DIP2C: variants seen among roughly 807,000 people sequenced by gnomAD.
The protein encoded by DIP2C is disco-interacting protein 2 homolog C.
A neutral mutation model predicts 192.4 loss-of-function variants in DIP2C; 33 were observed. The ratio of observed to expected loss-of-function variants is 0.17; its 90% confidence interval spans 0.13 to 0.23. DIP2C has a LOEUF of 0.23. DIP2C is among the 10% of genes least tolerant of loss of function. DIP2C has a pLI of 1.00. For missense variants in DIP2C, 1,537 were observed against 2,110.1 expected, an observed-to-expected ratio of 0.73 and a Z score of 5.32; for synonymous variants, 979 against 864.1, an observed-to-expected ratio of 1.13 and a Z score of -2.33.
At chr10:380,627 CTT>C (rs759540088) in intron 17 of DIP2C, among the ~76,000 whole-genome samples, 17 of 152,350 alleles carry the variant, frequency 1.1e-4, no homozygotes, top group Non-Finnish European at 2.1e-4. Context: ...CAGCCGAACA[CTT>C]GTCTTTCTTC....
At chr10:500,264 C>T (rs1845130912) in intron 1 of DIP2C, among the ~76,000 whole-genome samples, 1 of 152,252 alleles carries the variant, frequency 6.6e-6, no homozygotes, top group South Asian at 2.1e-4. Context: ...AGGAGCAGGG[C>T]CCATGGCTAC....
intron 2 of DIP2C, among the ~76,000 whole-genome samples, chr10:484,273 C>T (rs1043154481): frequency 1.3e-5 from 2 of 152,202 alleles, no homozygotes; most frequent in Non-Finnish European, 2.9e-5. Context: ...TAATTCTTAC[C>T]TTTGAACAGA....
chr10:592,248 A>C (rs950316741), intron 1 of DIP2C, among the ~76,000 whole-genome samples: 3 of 152,238 alleles, frequency 2.0e-5, no homozygotes, highest in Admixed American at 6.5e-5. Flanking sequence ...TCAACTGAAG[A>C]AAATGGTTCT....
At chr10:305,463 C>T (rs1045496019) in intron 32 of DIP2C, among the ~76,000 whole-genome samples, 1 of 152,126 alleles carries the variant, frequency 6.6e-6, no homozygotes, top group Non-Finnish European at 1.5e-5. Flanking sequence ...TTCTGTGGCC[C>T]CTGCTCTCAG....
chr10:570,407 C>T (rs373119359), intron 1 of DIP2C, among the ~76,000 whole-genome samples: 112 of 152,310 alleles, frequency 7.4e-4, no homozygotes, highest in African/African-American at 2.6e-3. Context: ...TAGGTCCTGA[C>T]GTCCACTCCT....
At chr10:503,530 A>C (rs1044057963) in intron 1 of DIP2C, among the ~76,000 whole-genome samples, 1 of 152,230 alleles carries the variant, frequency 6.6e-6, no homozygotes, top group African/African-American at 2.4e-5. Flanking sequence ...CTGGCGGAAA[A>C]CCATGGAAGT....
chr10:344,719 G>C (rs1330796445), intron 28 of DIP2C, 90 bp downstream of exon 28: 1 of 1,061,206 alleles, frequency 9.4e-7, no homozygotes, highest in Non-Finnish European at 1.4e-6. Flanking sequence ...CTGACTACAC[G>C]AGAGGCGCTG....
At chr10:479,604 A>C (rs1216655696) in intron 2 of DIP2C, among the ~76,000 whole-genome samples, 2 of 152,048 alleles carry the variant, frequency 1.3e-5, no homozygotes, top group Non-Finnish European at 2.9e-5. Context: ...AAAGTGCTGG[A>C]ATTATAGGCA....
At chr10:395,937 G>A (rs7085663) in intron 10 of DIP2C, among the ~76,000 whole-genome samples, 1,701 of 152,246 alleles carry the variant, frequency 0.011, 38 homozygotes, top group African/African-American at 0.039. Flanking sequence ...CCTGCCCTCG[G>A]ACCACAGAGA....
intron 9 of DIP2C, among the ~76,000 whole-genome samples, chr10:401,222 A>C (rs559452094): frequency 5.3e-5 from 8 of 151,602 alleles, no homozygotes; most frequent in African/African-American, 1.9e-4. Flanking sequence ...CCTTATGGAC[A>C]AGTTTGGTAC....
At chr10:367,365 C>G (rs1239725138) in intron 18 of DIP2C, among the ~76,000 whole-genome samples, 4 of 150,952 alleles carry the variant, frequency 2.6e-5, no homozygotes, top group African/African-American at 7.3e-5. Flanking sequence ...TGCGGTGAAC[C>G]GAGATCGCGC....
intron 1 of DIP2C, chr10:662,084 T>C (rs1167706249): frequency 2.8e-6 from 2 of 717,438 alleles, no homozygotes; most frequent in Admixed American, 4.0e-5. Context: ...CACGATTCTC[T>C]CCGAAGCCCT....
intron 3 of DIP2C, among the ~76,000 whole-genome samples, chr10:469,315 ATTTT>A (rs11348709): frequency 4.9e-5 from 5 of 102,294 alleles, no homozygotes; most frequent in Admixed American, 1.1e-4. Context: ...ACTGGTACTG[ATTTT>A]TTTTTTTTTT....
At chr10:335,513 G>A (rs569934816) in intron 29 of DIP2C, among the ~76,000 whole-genome samples, 1 of 152,166 alleles carries the variant, frequency 6.6e-6, no homozygotes, top group Non-Finnish European at 1.5e-5. Context: ...TCAGCTTCCC[G>A]CTGCCCAGAG....
intron 29 of DIP2C, among the ~76,000 whole-genome samples, chr10:333,284 C>CT (rs1264396321): frequency 6.6e-6 from 1 of 152,200 alleles, no homozygotes; most frequent in African/African-American, 2.4e-5. Context: ...CACAGAATGG[C>CT]TTTTAATAAA....
chr10:525,241 G>T (rs940352781), intron 1 of DIP2C, among the ~76,000 whole-genome samples: 1 of 151,772 alleles, frequency 6.6e-6, no homozygotes, highest in Non-Finnish European at 1.5e-5. Context: ...AGCTCCTAAC[G>T]CCTCAAACCG....
At chr10:391,201 T>C (rs1963429853) in intron 10 of DIP2C, among the ~76,000 whole-genome samples, 1 of 152,192 alleles carries the variant, frequency 6.6e-6, no homozygotes. Flanking sequence ...AAGACTATGA[T>C]TATACAATGC....
rs556514778 is a variant in DIP2C, at chr10:650,925, A to G, written c.85+38569T>C. Reference sequence around the variant, plus strand: ...GGGGAAGCTGAGGGTGTGTCCATGCAGGACCCCGAGGCTACACAGCTCTGG... The same window carrying G: ...GGGGAAGCTGAGGGTGTGTCCATGCGGGACCCCGAGGCTACACAGCTCTGG... On this transcript the variant is annotated intron_variant, in intron 1 of 36. Transcript: ENST00000280886. 7 of 716,480 alleles carry G rather than the reference A, an allele frequency of 9.8e-6. No homozygotes were observed. In the African/African-American group the frequency reaches 1.1e-4, roughly 11 times the overall value. 44.4% of individuals were successfully genotyped at this position (716,480 alleles called of 1,614,324 possible). A position where few individuals can be genotyped will look rare whatever the true frequency, so the allele number is the denominator to read the frequency against.
At chr10:283,127 T>C in intron 35 of DIP2C, 145 bp downstream of exon 35, 2 of 1,141,774 alleles carry the variant, frequency 1.8e-6, no homozygotes, top group Non-Finnish European at 1.2e-6. Flanking sequence ...GCTCTTAAAC[T>C]CGGTTCTTTT....
Sources: gnomAD v4.1 joint callset for allele counts (sites outside exome capture counted in the v4.1 genomes callset) on GRCh38, gnomAD v4.1.1 for gene constraint, MANE v1.5 for transcripts, NCBI Gene and HGNC (gene_info 2026-07-23, HGNC 2026-07-21) for gene names.